PPM1H: variants seen among roughly 807,000 people sequenced by gnomAD.
PPM1H encodes protein phosphatase 1H.
PPM1H carries 27 observed loss-of-function variants against 54.9 expected under a neutral mutation model. The ratio of observed to expected loss-of-function variants is 0.49; its 90% CI spans 0.36 to 0.68. The LOEUF (loss-of-function observed/expected upper bound fraction) is 0.68, where lower values mean the gene tolerates loss of function less well. PPM1H is among the 30% of genes least tolerant of loss of function. The pLI is 0.00. For synonymous variants in PPM1H, 305 were observed against 270.8 expected, an observed-to-expected ratio of 1.13 and a Z score of -1.24; for missense variants, 596 against 667.8, an observed-to-expected ratio of 0.89 and a Z score of 1.19.
intron 1 of PPM1H, among the ~76,000 whole-genome samples, chr12:62,866,133 G>A: frequency 6.6e-6 from 1 of 152,160 alleles, no homozygotes; most frequent in Non-Finnish European, 1.5e-5. Context: ...AAAGCCAAGA[G>A]ACTTGTGTCA....
intron 1 of PPM1H, among the ~76,000 whole-genome samples, chr12:62,866,892 C>T (rs886155901): frequency 2.0e-5 from 3 of 151,942 alleles, no homozygotes; most frequent in Admixed American, 2.0e-4. Context: ...GGATGAGCTC[C>T]TTCAAGGCCA....
chr12:62,702,236 T>C lies in PPM1H; in HGVS notation c.1074-8237A>G, dbSNP rs1009117678. On this transcript the variant is annotated intron_variant, in intron 6 of 9. Transcript: ENST00000228705. ...CAAATAGTTATAAAATCATAAAAAA[T>C]AACATTTATGATTCTCTCGTCTATT... Among the ~76,000 whole-genome samples, 4 of 152,228 alleles carry C rather than the reference T, an allele frequency of 2.6e-5. No individual in the cohort carries two copies. In the South Asian group the frequency reaches 8.3e-4, roughly 31 times the overall value.
chr12:62,836,347 C>T (rs1868503632), intron 1 of PPM1H, among the ~76,000 whole-genome samples: 1 of 152,220 alleles, frequency 6.6e-6, no homozygotes, highest in Non-Finnish European at 1.5e-5. Context: ...ATGAATGAAT[C>T]TGACAGAAAT....
chr12:62,784,053 C>T (rs190191464), intron 4 of PPM1H, among the ~76,000 whole-genome samples: 71 of 152,268 alleles, frequency 4.7e-4, no homozygotes, highest in African/African-American at 1.6e-3. Flanking sequence ...AAAATCCGCC[C>T]ACCATCTGCT....
intron 1 of PPM1H, among the ~76,000 whole-genome samples, chr12:62,932,061 G>C (rs1872154378): frequency 6.6e-6 from 1 of 151,100 alleles, no homozygotes; most frequent in Non-Finnish European, 1.5e-5. Flanking sequence ...GAGTAGGTGA[G>C]GGCTGGGGAA....
rs771770732 is a variant in PPM1H at position 62,720,125 on chromosome 12, T to TCA, written c.1073+44_1073+45dup. 27 of 1,465,348 alleles carry TCA rather than the reference T, an allele frequency of 1.8e-5. No individual in the cohort carries two copies. In the South Asian group the frequency reaches 2.7e-4, roughly 15 times the overall value. The allele number at this position is 1,465,348 out of a possible 1,614,324, so 90.8% of individuals were successfully genotyped here. On this transcript the variant is annotated intron_variant, in intron 6 of 9. Coordinates refer to ENST00000228705, the MANE Select transcript of PPM1H (RefSeq NM_020700.2). ...GCTGTTTATGGTGGTGATGCTTCCT[T>TCA]CACACACACTGTGTGGTTCCGAGGC...
chr12:62,820,428 G>A (rs984230997), intron 2 of PPM1H, among the ~76,000 whole-genome samples: 1 of 152,200 alleles, frequency 6.6e-6, no homozygotes, highest in Admixed American at 6.5e-5. Flanking sequence ...TCTGAGAATG[G>A]ACAGACTGCC....
At chr12:62,661,465 AT>A (rs1487877837) in intron 9 of PPM1H, among the ~76,000 whole-genome samples, 44 of 152,304 alleles carry the variant, frequency 2.9e-4, no homozygotes, top group African/African-American at 1.0e-3. Flanking sequence ...CAGTGGCACC[AT>A]CTCGGCTCAC....
chr12:62,703,851 A>G (rs2076157827), intron 6 of PPM1H, among the ~76,000 whole-genome samples: 2 of 152,016 alleles, frequency 1.3e-5, no homozygotes, highest in African/African-American at 4.8e-5. Context: ...CTGTATTTCC[A>G]AAGGAATCAG....
intron 4 of PPM1H, among the ~76,000 whole-genome samples, chr12:62,765,951 C>T (rs538426992): frequency 6.6e-6 from 1 of 152,318 alleles, no homozygotes; most frequent in African/African-American, 2.4e-5. Flanking sequence ...AGAATCTGGA[C>T]TTCAGTCTGA....
intron 6 of PPM1H, among the ~76,000 whole-genome samples, chr12:62,718,841 G>C (rs1373863962): frequency 6.6e-6 from 1 of 152,160 alleles, no homozygotes; most frequent in Non-Finnish European, 1.5e-5. Context: ...CAAAACTCCA[G>C]AACTCAGAGC....
chr12:62,740,866 T>C (rs1006552362), intron 4 of PPM1H, among the ~76,000 whole-genome samples: 2 of 152,210 alleles, frequency 1.3e-5, no homozygotes, highest in African/African-American at 4.8e-5. Context: ...ACAGGTTGCA[T>C]GCTCACAAAG....
chr12:62,747,582 G>A (rs980950426), intron 4 of PPM1H, among the ~76,000 whole-genome samples: 2 of 152,190 alleles, frequency 1.3e-5, no homozygotes, highest in African/African-American at 4.8e-5. Flanking sequence ...GAATCAAGTA[G>A]GGCAAATGTA....
At chr12:62,828,844 A>C (rs1187580448) in intron 2 of PPM1H, among the ~76,000 whole-genome samples, 1 of 152,210 alleles carries the variant, frequency 6.6e-6, no homozygotes, top group Non-Finnish European at 1.5e-5. Flanking sequence ...CCAATAATGA[A>C]AAAATGCTCA....
At chr12:62,829,777 C>G (rs1190613995) in intron 2 of PPM1H, among the ~76,000 whole-genome samples, 1 of 152,204 alleles carries the variant, frequency 6.6e-6, no homozygotes, top group African/African-American at 2.4e-5. Flanking sequence ...AAAAGTCACC[C>G]CAGCTCCATT....
chr12:62,811,871 T>A (rs1303052224), intron 2 of PPM1H, among the ~76,000 whole-genome samples: 2 of 152,230 alleles, frequency 1.3e-5, no homozygotes, highest in Non-Finnish European at 2.9e-5. Context: ...CTCTGGTATG[T>A]CTCAGCAGCG....
At chr12:62,933,360 T>A (rs142016268) in intron 1 of PPM1H, among the ~76,000 whole-genome samples, 1 of 152,126 alleles carries the variant, frequency 6.6e-6, no homozygotes, top group Non-Finnish European at 1.5e-5. Context: ...CCCCGGGGTA[T>A]CCGGGCCACC....
rs112957734 is a variant in PPM1H, at chr12:62,856,213, G to T, written c.246-23934C>A. ...CTCTGTACAACTATGTCTTCTCCAG[G>T]ACACTGTTCTGTGAAATCTAGCTTT... On this transcript the variant is annotated intron_variant, in intron 1 of 9. Transcript: ENST00000228705. Among the ~76,000 whole-genome samples, 537 of 152,266 alleles carry T rather than the reference G, an allele frequency of 3.5e-3. 3 individuals are homozygous for T. The highest frequency in any genetic ancestry group is 0.012 in the African/African-American group (501 of 41,544).
intron 3 of PPM1H, among the ~76,000 whole-genome samples, chr12:62,792,780 C>G (rs1300520828): frequency 2.0e-5 from 3 of 152,212 alleles, no homozygotes. Context: ...CCACCTACTC[C>G]TCTTTAAAAG....
Sources: gnomAD v4.1 joint callset for allele counts (sites outside exome capture counted in the v4.1 genomes callset) on GRCh38, gnomAD v4.1.1 for gene constraint, MANE v1.5 for transcripts, NCBI Gene and HGNC (gene_info 2026-07-23, HGNC 2026-07-21) for gene names.